Variants in ERCC6 observed in about 807,000 individuals in gnomAD.
ERCC6 encodes the protein DNA excision repair protein ERCC-6.
Under a neutral mutation model 158.7 loss-of-function variants are expected in ERCC6, and 116 were observed. The observed-to-expected ratio is 0.73, with a 90% CI of 0.63 to 0.85. The LOEUF is 0.85. Ranked by LOEUF, ERCC6 falls within the 40% of genes least tolerant of loss-of-function variation. ERCC6 has a pLI of 0.00. For missense variants in ERCC6, 1,698 were observed against 1,799.4 expected, an observed-to-expected ratio of 0.94 and a Z score of 1.02; for synonymous variants, 678 against 659.3, an observed-to-expected ratio of 1.03 and a Z score of -0.43.
intron 18 of ERCC6, 115 bp downstream of exon 18, chr10:49,470,067 A>C: frequency 4.3e-6 from 4 of 924,728 alleles, no homozygotes; most frequent in Non-Finnish European, 5.3e-6. Flanking sequence ...TTGAAGAAAA[A>C]CACTAATGGC....
intron 4 of ERCC6, among the ~76,000 whole-genome samples, chr10:49,526,443 T>G (rs1837342872): frequency 6.6e-6 from 1 of 152,132 alleles, no homozygotes; most frequent in Admixed American, 6.5e-5. Context: ...TTTCTTTAAA[T>G]GATTTCTAGT....
the ERCC6 span, among the ~76,000 whole-genome samples, chr10:49,442,390 A>T: frequency 6.6e-6 from 1 of 152,328 alleles, no homozygotes; most frequent in East Asian, 1.9e-4. Flanking sequence ...GAAGAAAAGG[A>T]TCAATGGTGG....
chr10:49,524,609 T>A lies in ERCC6; in HGVS notation c.821A>T (p.Tyr274Phe), dbSNP rs747621933. The A allele has an allele frequency of 6.8e-6, 11 of 1,614,228 alleles. No individual in the cohort carries two copies. Among genetic ancestry groups the A allele is most frequent in the Non-Finnish European group, 9.3e-6 (11 of 1,180,032 alleles). ...MLNEASGFEK[Y>F]LADQAKLSFE... ...AGACAGTTTTGCTTGATCTGCCAAA[T>A]ACTTTTCGAAGCCTGATGCTTCATT... Residue 274 changes from tyrosine to phenylalanine, a missense_variant, in exon 5 of 21, where the codon TAT becomes TTT. Coordinates refer to ENST00000355832, the MANE Select transcript of ERCC6 (RefSeq NM_000124.4).
At position 49,454,842 on chromosome 10, in the gene ERCC6, T is replaced by C. The variant is rs186389164; in HGVS notation, c.*3973A>G. ...GGGTTACTAAGCAAAGTTAGATAAA[T>C]GGACCAATTTAACAGAATGCAGAGC... On this transcript the variant is annotated 3_prime_UTR_variant, in exon 21 of 21. Transcript: ENST00000355832. Among the ~76,000 whole-genome samples, 164 of 152,282 alleles carry C rather than the reference T, an allele frequency of 1.1e-3. 1 individual carries two copies. Among genetic ancestry groups the C allele is most frequent in the African/African-American group, 3.8e-3 (157 of 41,568 alleles).
At chr10:49,495,293 C>G (rs1024014608) in intron 7 of ERCC6, among the ~76,000 whole-genome samples, 6 of 152,148 alleles carry the variant, frequency 3.9e-5, no homozygotes, top group Non-Finnish European at 7.3e-5. Flanking sequence ...CAACTAAAAA[C>G]TGGGATTGAC....
chr10:49,488,751 G>C (rs1276441608), intron 8 of ERCC6, among the ~76,000 whole-genome samples: 1 of 151,496 alleles, frequency 6.6e-6, no homozygotes, highest in East Asian at 1.9e-4. Context: ...CATGTTGATG[G>C]GAGTTTCATC....
Position 49,532,858 on chromosome 10 carries a change from C to A in ERCC6, c.107G>T (p.Gly36Val), listed in dbSNP as rs760171089. The change falls in exon 2 of 21, where the codon GGT (glycine) becomes GTT (valine). Residue 36 changes from glycine to valine, a missense_variant. Transcript: ENST00000355832. ...GTACTCCTCCACCTCCCCATCACCA[C>A]CACTTTCTTGCTTGATTGCCATTTC... ...NEEMAIKQES[G>V]GDGEVEEYLS... 6.2e-7 allele frequency: 1 copy of A among 1,614,234 alleles called. No homozygotes were observed. Among genetic ancestry groups the A allele is most frequent in the East Asian group, 2.2e-5 (1 of 44,880 alleles).
rs1261348695 is a variant in ERCC6 at position 49,473,953 on chromosome 10, T to C, written c.2598+74A>G. 5 of 1,319,068 alleles carry C rather than the reference T, an allele frequency of 3.8e-6. 1 individual carries two copies. The highest frequency in any genetic ancestry group is 3.5e-5 in the South Asian group (3 of 84,800). 81.7% of individuals were successfully genotyped at this position (1,319,068 alleles called of 1,614,324 possible). A position where few individuals can be genotyped will look rare whatever the true frequency, so the allele number is the denominator to read the frequency against. ...CTTGCTTCAGAATCATTACTTTAGA[T>C]TGAATCCCATTTTGTGAGTTGATGG... is the stretch of plus-strand genomic sequence containing the variant. On this transcript the variant is annotated intron_variant, in intron 13 of 20. Transcript: ENST00000355832.
At chr10:49,440,400 G>T in the ERCC6 span, among the ~76,000 whole-genome samples, 6 of 152,132 alleles carry the variant, frequency 3.9e-5, no homozygotes, top group African/African-American at 1.4e-4. Flanking sequence ...CGGCCCTCAT[G>T]ATTCAATTAC....
chr10:49,482,982 T>G (rs886539341), intron 9 of ERCC6, 119 bp from the exon 10 acceptor site: 2 of 1,069,168 alleles, frequency 1.9e-6, no homozygotes, highest in African/African-American at 3.1e-5. Flanking sequence ...TGCATCATTT[T>G]GGTACTCTCC....
intron 6 of ERCC6, chr10:49,504,398 C>T (rs1158619579): frequency 6.6e-6 from 1 of 152,090 alleles, no homozygotes; most frequent in Non-Finnish European, 1.5e-5. Flanking sequence ...TGTTAATACA[C>T]TGAATCCTAA....
chr10:49,478,653 G>A (rs1187212624), intron 10 of ERCC6, among the ~76,000 whole-genome samples, 183 bp from the exon 11 acceptor site: 1 of 151,854 alleles, frequency 6.6e-6, no homozygotes, highest in East Asian at 1.9e-4. Context: ...TACTCCAAGG[G>A]GTGGTAGCTT....
At position 49,461,258 on chromosome 10, in the gene ERCC6, A is replaced by G. The variant is rs1850576555; in HGVS notation, c.3983+94T>C. 3 of 1,253,540 alleles carry G rather than the reference A, an allele frequency of 2.4e-6. No homozygotes were observed. In the Admixed American group the frequency reaches 5.6e-5, roughly 24 times the overall value. 77.7% of individuals were successfully genotyped at this position (1,253,540 alleles called of 1,614,324 possible). On this transcript the variant is annotated intron_variant, in intron 19 of 20. Coordinates refer to ENST00000355832, the MANE Select transcript of ERCC6 (RefSeq NM_000124.4). ...TCCCTGGGGATTTATTCCTGAAGAG[A>G]AATAACAGTATAAGCCTCCACACCT... is the stretch of plus-strand genomic sequence containing the variant.
intron 5 of ERCC6, among the ~76,000 whole-genome samples, chr10:49,519,626 T>G (rs2132609580): frequency 6.6e-6 from 1 of 152,226 alleles, no homozygotes; most frequent in Non-Finnish European, 1.5e-5. Context: ...CCACTATGTT[T>G]CCCTGATCGG....
chr10:49,537,003 T>G (rs1030209916), intron 1 of ERCC6, among the ~76,000 whole-genome samples: 1 of 151,906 alleles, frequency 6.6e-6, no homozygotes, highest in African/African-American at 2.4e-5. Context: ...GAAGTGAGAG[T>G]TGGAAACCAG....
the ERCC6 span, among the ~76,000 whole-genome samples, chr10:49,448,912 T>C: frequency 6.6e-6 from 1 of 152,254 alleles, no homozygotes; most frequent in South Asian, 2.1e-4. Context: ...TTCCACTTTT[T>C]GGCTATTACG....
At chr10:49,473,718 A>T (rs924201330) in intron 13 of ERCC6, 131 bp from the exon 14 acceptor site, 21 of 749,936 alleles carry the variant, frequency 2.8e-5, no homozygotes, top group Non-Finnish European at 5.1e-5. Context: ...TTTAGGACAG[A>T]TAAACAGAAC....
chr10:49,524,009 T>C, intron 5 of ERCC6, 24 bp downstream of exon 5: 11 of 1,611,672 alleles, frequency 6.8e-6, no homozygotes, highest in Non-Finnish European at 7.6e-6. Context: ...CAGTACAATG[T>C]ATTTATAATC....
At chr10:49,499,528 C>T (rs575155109) in intron 7 of ERCC6, among the ~76,000 whole-genome samples, 53 of 152,300 alleles carry the variant, frequency 3.5e-4, no homozygotes, top group African/African-American at 1.2e-3. Context: ...ATCTCCAAAT[C>T]ATATATAGGG....
Sources: gnomAD v4.1 joint callset for allele counts (sites outside exome capture counted in the v4.1 genomes callset) on GRCh38, gnomAD v4.1.1 for gene constraint, MANE v1.5 for transcripts, NCBI Gene and HGNC (gene_info 2026-07-23, HGNC 2026-07-21) for gene names.